PTPRT: variants seen among roughly 807,000 people sequenced by gnomAD.
PTPRT encodes protein tyrosine phosphatase receptor type T, also known as receptor-type tyrosine-protein phosphatase T.
PTPRT carries 56 observed loss-of-function variants against 176.8 expected under a neutral mutation model. The ratio of observed to expected loss-of-function variants is 0.32; its 90% CI spans 0.26 to 0.40. The LOEUF is 0.40. Among genes scored for constraint, PTPRT ranks in the 10% least tolerant of loss-of-function variants. The pLI is 1.00. For synonymous variants in PTPRT, 783 were observed against 739.0 expected, an observed-to-expected ratio of 1.06 and a Z score of -0.96; for missense variants, 1,540 against 1,908.2, an observed-to-expected ratio of 0.81 and a Z score of 3.60.
chr20:42,955,690 T>C (rs1390251710), intron 1 of PTPRT, among the ~76,000 whole-genome samples: 3 of 152,148 alleles, frequency 2.0e-5, no homozygotes, highest in African/African-American at 4.8e-5. Context: ...TCACGAAGAC[T>C]ACCTGACTTT....
chr20:42,580,170 C>T (rs923276107), intron 7 of PTPRT, among the ~76,000 whole-genome samples: 5 of 152,092 alleles, frequency 3.3e-5, no homozygotes, highest in Non-Finnish European at 7.4e-5. Context: ...AATCCTTTCC[C>T]CATTGCTTGT....
At chr20:43,026,209 C>G (rs534443909) in intron 1 of PTPRT, among the ~76,000 whole-genome samples, 4 of 152,220 alleles carry the variant, frequency 2.6e-5, no homozygotes, top group Non-Finnish European at 5.9e-5. Context: ...CCTCCGCCTC[C>G]CAGATTCAAG....
chr20:43,052,261 A>G (rs1987078247), intron 1 of PTPRT, among the ~76,000 whole-genome samples: 1 of 152,260 alleles, frequency 6.6e-6, no homozygotes, highest in Non-Finnish European at 1.5e-5. Context: ...TTCAAAATTC[A>G]GCATAAATGA....
chr20:42,254,359 C>T (rs927967024), intron 13 of PTPRT, among the ~76,000 whole-genome samples: 3 of 152,192 alleles, frequency 2.0e-5, no homozygotes, highest in Non-Finnish European at 2.9e-5. Flanking sequence ...ATCTTGAGCC[C>T]TACCCCAGAC....
At chr20:42,755,423 C>G (rs1008835981) in intron 6 of PTPRT, among the ~76,000 whole-genome samples, 1 of 152,098 alleles carries the variant, frequency 6.6e-6, no homozygotes, top group South Asian at 2.1e-4. Flanking sequence ...TTCAAACACA[C>G]CAGGTCTCAT....
rs560258725 is a variant in PTPRT at position 42,201,675 on chromosome 20, T to C, written c.2343-2287A>G. Among the ~76,000 whole-genome samples, 7 of 148,522 alleles carry C rather than the reference T, an allele frequency of 4.7e-5. No homozygotes were observed. In the Admixed American group the frequency reaches 4.7e-4, roughly 10 times the overall value. On this transcript the variant is annotated intron_variant, in intron 15 of 30. Coordinates refer to ENST00000373187, the MANE Select transcript of PTPRT (RefSeq NM_007050.6). Reference sequence around the variant, plus strand: ...GGTACCCTGAACAGAAGCAGCGGCTTTCTCTTGAAAGGCCCAGCCAGTCAT... The same window carrying C: ...GGTACCCTGAACAGAAGCAGCGGCTCTCTCTTGAAAGGCCCAGCCAGTCAT...
At chr20:43,161,342 T>C (rs948192867) in intron 1 of PTPRT, among the ~76,000 whole-genome samples, 2 of 151,964 alleles carry the variant, frequency 1.3e-5, no homozygotes, top group African/African-American at 4.8e-5. Context: ...ACACAACAAA[T>C]GACATGAAGG....
intron 2 of PTPRT, among the ~76,000 whole-genome samples, chr20:42,793,461 A>T (rs1021364849): frequency 4.6e-5 from 7 of 152,106 alleles, no homozygotes; most frequent in African/African-American, 1.7e-4. Context: ...GAGTTACTTC[A>T]CTTAAGATTA....
chr20:42,703,892 A>C (rs926244377), intron 6 of PTPRT, among the ~76,000 whole-genome samples: 10 of 152,094 alleles, frequency 6.6e-5, no homozygotes, highest in Non-Finnish European at 1.5e-4. Flanking sequence ...ATCAGCTAAA[A>C]CTTGATGTTG....
intron 6 of PTPRT, among the ~76,000 whole-genome samples, chr20:42,731,564 G>A (rs1211717460): frequency 6.6e-6 from 1 of 152,182 alleles, no homozygotes. Context: ...TCACCACCAG[G>A]CCCAGCACTG....
intron 6 of PTPRT, among the ~76,000 whole-genome samples, chr20:42,716,927 A>C (rs1272003196): frequency 6.6e-6 from 1 of 152,096 alleles, no homozygotes; most frequent in Admixed American, 6.5e-5. Flanking sequence ...TCAGCAAACT[A>C]TCATAAGGAC....
chr20:42,112,207 C>T (rs935598249), intron 22 of PTPRT, among the ~76,000 whole-genome samples: 6 of 152,162 alleles, frequency 3.9e-5, no homozygotes, highest in African/African-American at 1.4e-4. Context: ...GTGGGTGGAT[C>T]GGGGGTTGCA....
intron 15 of PTPRT, among the ~76,000 whole-genome samples, chr20:42,205,822 C>CA (rs952666412): frequency 1.1e-4 from 17 of 148,908 alleles, no homozygotes; most frequent in African/African-American, 2.7e-4. Flanking sequence ...GGAAGTGGAC[C>CA]AAAAAAAAAA....
chr20:42,120,056 C>A, intron 19 of PTPRT, 85 bp from the exon 20 acceptor site: 1 of 1,280,638 alleles, frequency 7.8e-7, no homozygotes, highest in South Asian at 1.4e-5. Context: ...CTCTCCAAGT[C>A]TTGATTTTCT....
At chr20:42,608,120 T>C (rs1240989490) in intron 7 of PTPRT, among the ~76,000 whole-genome samples, 1 of 152,110 alleles carries the variant, frequency 6.6e-6, no homozygotes, top group Non-Finnish European at 1.5e-5. Flanking sequence ...TAGACTTGCA[T>C]CCAGACTCCA....
At chr20:42,827,277 T>C (rs1184438249) in intron 2 of PTPRT, among the ~76,000 whole-genome samples, 2 of 152,166 alleles carry the variant, frequency 1.3e-5, no homozygotes, top group Non-Finnish European at 2.9e-5. Context: ...ACATGGCACA[T>C]ACTTTAAAAG....
intron 1 of PTPRT, among the ~76,000 whole-genome samples, chr20:42,897,724 A>AT (rs201495171): frequency 2.4e-4 from 36 of 151,586 alleles, no homozygotes; most frequent in African/African-American, 5.8e-4. Context: ...AAGCTCTGCT[A>AT]TTTTTTTTTA....
intron 1 of PTPRT, among the ~76,000 whole-genome samples, chr20:43,097,040 A>C (rs1452588156): frequency 6.6e-6 from 1 of 152,244 alleles, no homozygotes; most frequent in Non-Finnish European, 1.5e-5. Flanking sequence ...AGAGGAGCAC[A>C]CAGAACACGA....
rs774433188 is a variant in PTPRT, at chr20:42,350,766, A to G, written c.1763-36T>C. On this transcript the variant is annotated intron_variant, in intron 10 of 30. Coordinates refer to ENST00000373187, the MANE Select transcript of PTPRT (RefSeq NM_007050.6). ...AACAGAGAGTGCAGGTGAGTTCAGCACAGATTCCCAACTGGCTCCCCACCG... is the reference window on the plus strand; with the variant it reads ...AACAGAGAGTGCAGGTGAGTTCAGCGCAGATTCCCAACTGGCTCCCCACCG... The G allele has an allele frequency of 2.0e-6, 3 of 1,490,664 alleles. No homozygotes were observed. The South Asian group carries it at 3.4e-5, about 17-fold the overall frequency. 92.3% of individuals were successfully genotyped at this position (1,490,664 alleles called of 1,614,324 possible).
Sources: allele counts gnomAD v4.1 joint callset (sites outside exome capture counted in the v4.1 genomes callset), GRCh38; gene constraint gnomAD v4.1.1; transcripts MANE v1.5; gene names NCBI Gene and HGNC (gene_info 2026-07-23, HGNC 2026-07-21).